TTC21B: variants seen among roughly 807,000 people sequenced by gnomAD.
TTC21B encodes the protein tetratricopeptide repeat protein 21B.
TTC21B carries 127 observed loss-of-function variants against 175.1 expected under a neutral mutation model. That is an observed-to-expected ratio of 0.73 (90% confidence interval 0.63 to 0.84). The LOEUF is 0.84. TTC21B is among the 40% of genes least tolerant of loss of function. The probability of loss-of-function intolerance (pLI) is 0.00; values close to 1 mark genes in which losing one functional copy is unlikely to be tolerated. For synonymous variants in TTC21B, 524 were observed against 524.5 expected, an observed-to-expected ratio of 1.00 and a Z score of 0.01; for missense variants, 1,561 against 1,558.3, an observed-to-expected ratio of 1.00 and a Z score of -0.03.
chr2:165,890,976 G>T lies in TTC21B; in HGVS notation c.2963C>A (p.Thr988Lys). The T allele has an allele frequency of 1.2e-6, 2 of 1,611,204 alleles. No homozygotes were observed. Among genetic ancestry groups the T allele is most frequent in the Non-Finnish European group, 1.7e-6 (2 of 1,177,680 alleles). ...TAGGAGATCAATCAAACGAGATAAT[G>T]TCATATAATTATCTAGAAACAAATA... ...LLERKPDNYMTLSRLIDLLRR... is the reference protein window; with the variant it reads ...LLERKPDNYMKLSRLIDLLRR... The change falls in exon 23 of 29, where the codon ACA becomes AAA. Residue 988 changes from threonine to lysine, a missense_variant. Physicochemically the swap from Thr to Lys is moderately conservative, Grantham distance 78. Coordinates refer to ENST00000243344, the MANE Select transcript of TTC21B (RefSeq NM_024753.5).
In TTC21B at chr2:165,888,584, T is replaced by C. The variant is rs114259896; in HGVS notation, c.3264-110A>G. ...GCTCTGGGCACTCTTTTATACTCTT[T>C]TTGTCACTCATTTAAAAGTAATCTT... On this transcript the variant is annotated intron_variant, in intron 24 of 28. Coordinates refer to ENST00000243344, the MANE Select transcript of TTC21B (RefSeq NM_024753.5). 2.3e-3 allele frequency: 1,797 copies of C among 778,870 alleles called. 4 individuals are homozygous for C. The highest frequency in any genetic ancestry group is 3.4e-3 in the Non-Finnish European group (1,575 of 469,354). The allele number at this position is 778,870 out of a possible 1,614,324, so 48.2% of individuals were successfully genotyped here. A position where few individuals can be genotyped will look rare whatever the true frequency, so the allele number is the denominator to read the frequency against.
Position 165,927,046 on chromosome 2 carries a change from GTATATATATATATCCTAGTAGATATA to G in TTC21B, c.1386+2063_1386+2088del, listed in dbSNP as rs1201516610. 4.9e-3 allele frequency among the ~76,000 whole-genome samples: 388 copies of G among 78,602 alleles called. 37 individuals are homozygous for G. Among genetic ancestry groups the G allele is most frequent in the East Asian group, 0.011 (31 of 2,860 alleles). The allele number at this position is 78,602 out of a possible 152,430, so 51.6% of individuals were successfully genotyped here. ...CTAGTAGTTATATATATATATATGT[GTATATATATATATCCTAGTAGATATA>G]TATATATATATATCCTAGTAGATAT... On this transcript the variant is annotated intron_variant, in intron 11 of 28. Transcript: ENST00000243344.
chr2:165,881,119 T>C (rs541864367), intron 26 of TTC21B, among the ~76,000 whole-genome samples: 7 of 152,262 alleles, frequency 4.6e-5, no homozygotes, highest in African/African-American at 1.4e-4. Context: ...AAGAGCATAA[T>C]GAACTCCATG....
In TTC21B at chr2:165,945,704, A is replaced by G; in HGVS notation, c.263-14T>C. ...TAGCTTCTCTATCTGGTAGGGGAAA[A>G]TGATATTAAATAAAAATTAAATTCT... On this transcript the variant is annotated splice_polypyrimidine_tract_variant and intron_variant, in intron 3 of 28. Coordinates refer to ENST00000243344, the MANE Select transcript of TTC21B (RefSeq NM_024753.5). The G allele has an allele frequency of 3.7e-6, 6 of 1,609,682 alleles. No homozygotes were observed. Among genetic ancestry groups the G allele is most frequent in the Non-Finnish European group, 5.1e-6 (6 of 1,178,620 alleles).
At position 165,941,183 on chromosome 2, in the gene TTC21B, G is replaced by A. The variant is rs1418795965; in HGVS notation, c.554C>T (p.Ala185Val). ...GNDTFALLGK[A>V]QCLEMRQNYS... ...ATTCTGGCGCATCTCAAGGCATTGT[G>A]CCTAATGGAAGGGAAAAAAAGTGAT... Residue 185 changes from alanine (A) to valine (V), a missense_variant and splice_region_variant, in exon 6 of 29, where the codon GCA (alanine) becomes GTA (valine). Physicochemically the swap from Ala to Val is moderately conservative, Grantham distance 64 (BLOSUM62 0). Transcript: ENST00000243344. 3.1e-6 allele frequency: 5 copies of A among 1,613,842 alleles called. No individual in the cohort carries two copies. Among genetic ancestry groups the A allele is most frequent in the Non-Finnish European group, 4.2e-6 (5 of 1,179,808 alleles).
chr2:165,943,599 A>G (rs576089743), intron 4 of TTC21B, among the ~76,000 whole-genome samples: 4 of 152,192 alleles, frequency 2.6e-5, no homozygotes, highest in Admixed American at 6.5e-5. Context: ...CAAATATTCC[A>G]TTAGTGTTAA....
intron 3 of TTC21B, chr2:165,949,106 C>CT: frequency 1.6e-5 from 6 of 382,288 alleles, no homozygotes; most frequent in South Asian, 3.0e-5. Flanking sequence ...TTTGGCTGTC[C>CT]TTTTTTTGTG....
intron 8 of TTC21B, among the ~76,000 whole-genome samples, chr2:165,930,996 T>C (rs922369440): frequency 2.0e-5 from 3 of 152,058 alleles, no homozygotes; most frequent in African/African-American, 7.2e-5. Context: ...TTATATTTTA[T>C]AAGCTTAGTA....
At chr2:165,924,702 C>T in intron 11 of TTC21B, 24 bp from the exon 12 acceptor site, 2 of 1,608,720 alleles carry the variant, frequency 1.2e-6, no homozygotes, top group Non-Finnish European at 1.7e-6. Context: ...ATCAGCAGAT[C>T]ATTTTATAAG....
intron 25 of TTC21B, among the ~76,000 whole-genome samples, chr2:165,886,416 C>T (rs560236809): frequency 2.4e-3 from 368 of 152,218 alleles, no homozygotes; most frequent in Non-Finnish European, 3.9e-3. Context: ...CATTATTTAT[C>T]TTTGTGTTTC....
At chr2:165,875,151 T>C (rs1056288740) in intron 28 of TTC21B, among the ~76,000 whole-genome samples, 1 of 152,168 alleles carries the variant, frequency 6.6e-6, no homozygotes, top group Admixed American at 6.5e-5. Flanking sequence ...TTTTCATTCA[T>C]AATATCTGAT....
chr2:165,902,381 T>C (rs1685599064), intron 19 of TTC21B, among the ~76,000 whole-genome samples: 1 of 152,240 alleles, frequency 6.6e-6, no homozygotes, highest in Non-Finnish European at 1.5e-5. Context: ...TAGCTACACA[T>C]AATGATTCAC....
At chr2:165,924,767 C>G in intron 11 of TTC21B, 89 bp from the exon 12 acceptor site, 1 of 1,406,630 alleles carries the variant, frequency 7.1e-7, no homozygotes, top group Non-Finnish European at 9.7e-7. Flanking sequence ...TATAACTAAC[C>G]AAGCTATATA....
At chr2:165,927,862 T>G (rs1342817719) in intron 11 of TTC21B, among the ~76,000 whole-genome samples, 1 of 152,226 alleles carries the variant, frequency 6.6e-6, no homozygotes, top group Admixed American at 6.5e-5. Flanking sequence ...TTATTTCCCA[T>G]GTTAACACAG....
intron 19 of TTC21B, among the ~76,000 whole-genome samples, chr2:165,902,904 T>G (rs948736580): frequency 3.3e-5 from 5 of 152,094 alleles, no homozygotes; most frequent in Non-Finnish European, 7.4e-5. Flanking sequence ...ATTAGGAAAG[T>G]AGAAAGCAGG....
At chr2:165,921,753 C>T (rs1686414031) in intron 12 of TTC21B, among the ~76,000 whole-genome samples, 1 of 149,600 alleles carries the variant, frequency 6.7e-6, no homozygotes, top group Non-Finnish European at 1.5e-5. Flanking sequence ...TAGACACATG[C>T]TAGCAGTATT....
Position 165,875,041 on chromosome 2 carries a change from A to G in TTC21B, c.3874-209T>C, listed in dbSNP as rs141717994. Among the ~76,000 whole-genome samples the G allele has an allele frequency of 4.5e-4, 68 of 151,936 alleles. No homozygotes were observed. In the East Asian group the frequency reaches 0.013, roughly 29 times the overall value. ...GTTAGATGAGAACAATAGAATGTAAATATCAAATGCAGAAAATATAACAAA... is the reference window on the plus strand; with the variant it reads ...GTTAGATGAGAACAATAGAATGTAAGTATCAAATGCAGAAAATATAACAAA... On this transcript the variant is annotated intron_variant, in intron 28 of 28. Coordinates refer to ENST00000243344, the MANE Select transcript of TTC21B (RefSeq NM_024753.5).
At chr2:165,885,250 CAT>C (rs1684966965) in intron 25 of TTC21B, among the ~76,000 whole-genome samples, 1 of 152,118 alleles carries the variant, frequency 6.6e-6, no homozygotes, top group South Asian at 2.1e-4. Context: ...TTGGGTAACT[CAT>C]AAGGAATACT....
intron 15 of TTC21B, among the ~76,000 whole-genome samples, chr2:165,914,750 A>G (rs1190596129): frequency 7.1e-6 from 1 of 140,978 alleles, no homozygotes; most frequent in East Asian, 2.3e-4. Context: ...TTTTAAGGTC[A>G]TGCTCTTTCA....
Sources: gnomAD v4.1 joint callset for allele counts (sites outside exome capture counted in the v4.1 genomes callset) on GRCh38, gnomAD v4.1.1 for gene constraint, MANE v1.5 for transcripts, NCBI Gene and HGNC (gene_info 2026-07-23, HGNC 2026-07-21) for gene names.